The following KAZN variants were observed in gnomAD, a reference collection of about 807,000 sequenced individuals.
The protein encoded by KAZN is kazrin, periplakin interacting protein.
KAZN carries 40 observed loss-of-function variants against 87.4 expected under a neutral mutation model. That is an observed-to-expected ratio of 0.46 (90% confidence interval 0.36 to 0.60). KAZN has a LOEUF of 0.60. Among genes scored for constraint, KAZN ranks in the 20% least tolerant of loss-of-function variants. KAZN has a pLI of 0.00. For missense variants in KAZN, 898 were observed against 1,073.9 expected (o/e 0.84, Z 2.29); for synonymous variants, 466 against 458.3 (o/e 1.02, Z -0.22).
At chr1:14,948,079 G>A (rs999464894) in intron 1 of KAZN, among the ~76,000 whole-genome samples, 4 of 152,210 alleles carry the variant, frequency 2.6e-5, no homozygotes, top group African/African-American at 9.6e-5. Flanking sequence ...TCCAGTTTTT[G>A]AAGAAAGAAT....
Position 14,060,729 on chromosome 1 carries a change from T to C in KAZN, c.92-119706T>C, listed in dbSNP as rs145560332. Among the ~76,000 whole-genome samples the C allele has an allele frequency of 1.7e-3, 263 of 152,336 alleles. 2 individuals are homozygous for C. Among genetic ancestry groups the C allele is most frequent in the Non-Finnish European group, 3.0e-3 (206 of 68,038 alleles). The stretch of plus-strand genomic sequence containing the variant: ...GAGATTACAGCATGTCCTAAGACCA[T>C]ATAAATAAGCAACTCTGTAAGTTTG... On this transcript the variant is annotated intron_variant, in intron 1 of 16. Transcript: ENST00000636203.
intron 1 of KAZN, among the ~76,000 whole-genome samples, chr1:14,045,580 C>T (rs1279572207): frequency 6.6e-6 from 1 of 152,184 alleles, no homozygotes; most frequent in African/African-American, 2.4e-5. Context: ...GATTCTGAAT[C>T]AGAATCCATG....
intron 2 of KAZN, among the ~76,000 whole-genome samples, chr1:14,244,924 T>A (rs1649352240): frequency 1.3e-5 from 2 of 152,180 alleles, no homozygotes; most frequent in South Asian, 4.1e-4. Context: ...AAGAGAGGCA[T>A]GATCCAGCTT....
intron 2 of KAZN, among the ~76,000 whole-genome samples, chr1:14,977,598 G>A (rs1665779778): frequency 6.6e-6 from 1 of 152,236 alleles, no homozygotes; most frequent in African/African-American, 2.4e-5. Context: ...GCCGAGGTTG[G>A]CAATGGGTGG....
chr1:14,405,025 T>A (rs1233988922), intron 2 of KAZN, among the ~76,000 whole-genome samples: 5 of 152,190 alleles, frequency 3.3e-5, no homozygotes, highest in Non-Finnish European at 7.4e-5. Context: ...TTAAGGCAGC[T>A]AAGAAACATC....
intron 1 of KAZN, among the ~76,000 whole-genome samples, chr1:14,096,189 A>T (rs1280184656): frequency 1.3e-5 from 2 of 152,234 alleles, no homozygotes; most frequent in Non-Finnish European, 2.9e-5. Context: ...CATATTATTT[A>T]CATAATTTTT....
intron 2 of KAZN, among the ~76,000 whole-genome samples, chr1:14,370,709 T>C (rs1660409210): frequency 6.6e-6 from 1 of 152,224 alleles, no homozygotes; most frequent in Non-Finnish European, 1.5e-5. Flanking sequence ...TATTTAAGTT[T>C]GAGACACTGT....
intron 1 of KAZN, among the ~76,000 whole-genome samples, chr1:14,654,759 G>T (rs1638681272): frequency 6.6e-6 from 1 of 152,178 alleles, no homozygotes; most frequent in Non-Finnish European, 1.5e-5. Context: ...TGCAAGACTG[G>T]ACATGCTGGC....
chr1:14,731,032 T>C (rs1379860889), intron 1 of KAZN, among the ~76,000 whole-genome samples: 1 of 152,188 alleles, frequency 6.6e-6, no homozygotes, highest in Non-Finnish European at 1.5e-5. Context: ...CTGTTTGCTT[T>C]CCTTTGTGAT....
At chr1:13,936,113 A>C in intron 1 of KAZN, among the ~76,000 whole-genome samples, 1 of 8,000 alleles carries the variant, frequency 1.3e-4, no homozygotes, top group Non-Finnish European at 2.9e-4. Flanking sequence ...TTTTTTTTTG[A>C]GACAGAGTTT....
At chr1:13,906,131 C>T (rs1639428286) in intron 1 of KAZN, among the ~76,000 whole-genome samples, 3 of 152,102 alleles carry the variant, frequency 2.0e-5, no homozygotes, top group Admixed American at 1.3e-4. Context: ...AAAAAGAGAC[C>T]CTTGTCCCAA....
chr1:13,993,075 C>CT (rs1000233335), intron 1 of KAZN, among the ~76,000 whole-genome samples: 1 of 152,110 alleles, frequency 6.6e-6, no homozygotes, highest in Non-Finnish European at 1.5e-5. Flanking sequence ...ATGTGATTTC[C>CT]TTTAGCTAAG....
chr1:14,243,878 C>G (rs141150130), intron 2 of KAZN, among the ~76,000 whole-genome samples: 1 of 152,030 alleles, frequency 6.6e-6, no homozygotes, highest in Non-Finnish European at 1.5e-5. Context: ...CCCTAATGTC[C>G]GCATCTTACA....
rs1367514335 is a variant in KAZN, at chr1:14,513,746, G to C, written c.250-85237G>C. On this transcript the variant is annotated intron_variant, in intron 2 of 16. Coordinates refer to the KAZN transcript ENST00000636203. ...TACATCCTAAAATGCTGCTGTTATGGAGGGTAATTACATAATAAATTTGTT... is the reference window on the plus strand; with the variant it reads ...TACATCCTAAAATGCTGCTGTTATGCAGGGTAATTACATAATAAATTTGTT... Among the ~76,000 whole-genome samples, 6 of 152,248 alleles carry C rather than the reference G, an allele frequency of 3.9e-5. No homozygotes were observed. In the East Asian group the frequency reaches 1.2e-3, roughly 29 times the overall value.
intron 1 of KAZN, among the ~76,000 whole-genome samples, chr1:14,705,479 C>T (rs1468253005): frequency 6.6e-6 from 1 of 152,178 alleles, no homozygotes; most frequent in African/African-American, 2.4e-5. Flanking sequence ...CACCTGCACC[C>T]CCATGTTTAT....
chr1:14,582,041 T>G (rs1295568324), intron 2 of KAZN, among the ~76,000 whole-genome samples: 1 of 151,962 alleles, frequency 6.6e-6, no homozygotes, highest in Non-Finnish European at 1.5e-5. Flanking sequence ...CTTTGCCTAT[T>G]TTTTTTTCAC....
chr1:14,173,296 C>G (rs976850922), intron 1 of KAZN, among the ~76,000 whole-genome samples: 1 of 152,136 alleles, frequency 6.6e-6, no homozygotes, highest in Non-Finnish European at 1.5e-5. Context: ...CTCAGATGGG[C>G]TAAAGAAAAG....
At chr1:14,006,750 CA>C (rs1464688836) in intron 1 of KAZN, among the ~76,000 whole-genome samples, 3 of 152,214 alleles carry the variant, frequency 2.0e-5, no homozygotes, top group African/African-American at 7.2e-5. Flanking sequence ...AATTTGAAAT[CA>C]GGAAGTGTGA....
chr1:14,420,881 T>C (rs984955213), intron 2 of KAZN, among the ~76,000 whole-genome samples: 1 of 118,596 alleles, frequency 8.4e-6, no homozygotes. Context: ...CGCCCGCACC[T>C]CTCCCTCCAC....
Sources: gnomAD v4.1 joint callset for allele counts (sites outside exome capture counted in the v4.1 genomes callset) on GRCh38, gnomAD v4.1.1 for gene constraint, MANE v1.5 for transcripts, NCBI Gene and HGNC (gene_info 2026-07-23, HGNC 2026-07-21) for gene names.